NEGR1: variants seen among roughly 807,000 people sequenced by gnomAD.
NEGR1 encodes the protein neuronal growth regulator 1, also known as IgLON family member 4.
Under a neutral mutation model 40.9 loss-of-function variants are expected in NEGR1, and 10 were observed. The observed-to-expected ratio is 0.24, with a 90% CI of 0.15 to 0.42. The LOEUF (loss-of-function observed/expected upper bound fraction) is 0.42, where lower values mean the gene tolerates loss of function less well. Ranked by LOEUF, NEGR1 falls within the 10% of genes least tolerant of loss-of-function variation. The pLI, the probability that NEGR1 is intolerant of heterozygous loss-of-function variation, is 1.00. For synonymous variants in NEGR1, 185 were observed against 166.8 expected (o/e 1.11, Z -0.84); for missense variants, 352 against 438.9 (o/e 0.80, Z 1.77).
intron 4 of NEGR1, among the ~76,000 whole-genome samples, chr1:71,678,904 G>A (rs1002537021): frequency 1.3e-5 from 2 of 152,028 alleles, no homozygotes; most frequent in Non-Finnish European, 2.9e-5. Context: ...AAACAGAGGC[G>A]GCATCAAGAA....
At chr1:71,869,800 T>C (rs1660223580) in intron 2 of NEGR1, among the ~76,000 whole-genome samples, 1 of 152,148 alleles carries the variant, frequency 6.6e-6, no homozygotes, top group Non-Finnish European at 1.5e-5. Flanking sequence ...CTAACATTTT[T>C]ATGATGATCT....
At chr1:72,014,195 GTTTAT>G (rs1206234544) in intron 1 of NEGR1, among the ~76,000 whole-genome samples, 1 of 151,786 alleles carries the variant, frequency 6.6e-6, no homozygotes, top group Admixed American at 6.6e-5. Flanking sequence ...AGCTAGTGTT[GTTTAT>G]TGAGTGCTTA....
intron 6 of NEGR1, chr1:71,573,541 T>C (rs1648871408): frequency 1.3e-5 from 2 of 152,204 alleles, no homozygotes; most frequent in African/African-American, 4.8e-5. Context: ...TGATTTATCA[T>C]AATGAATTAA....
intron 2 of NEGR1, among the ~76,000 whole-genome samples, chr1:71,870,231 A>C (rs1660240427): frequency 6.6e-6 from 1 of 152,176 alleles, no homozygotes; most frequent in African/African-American, 2.4e-5. Context: ...AAGTATTAGG[A>C]CAGTCAAACC....
chr1:72,151,047 T>C (rs1651107020), intron 1 of NEGR1, among the ~76,000 whole-genome samples: 1 of 151,904 alleles, frequency 6.6e-6, no homozygotes, highest in Admixed American at 6.6e-5. Flanking sequence ...GCCAAAGCCA[T>C]CTAACTGACC....
intron 4 of NEGR1, among the ~76,000 whole-genome samples, chr1:71,650,909 C>T (rs907583823): frequency 2.0e-5 from 3 of 152,108 alleles, no homozygotes; most frequent in Non-Finnish European, 2.9e-5. Context: ...TAATACATTA[C>T]TTTGTGCTTT....
intron 1 of NEGR1, among the ~76,000 whole-genome samples, chr1:72,083,846 G>A (rs993096743): frequency 6.6e-6 from 1 of 151,988 alleles, no homozygotes; most frequent in African/African-American, 2.4e-5. Context: ...TCAACGTTCT[G>A]CCCCAGAGTG....
chr1:71,721,200 C>T (rs1306601352), intron 3 of NEGR1, among the ~76,000 whole-genome samples: 1 of 152,130 alleles, frequency 6.6e-6, no homozygotes, highest in Admixed American at 6.5e-5. Flanking sequence ...GGCATTTACA[C>T]CATTTTTTTC....
At chr1:71,566,730 A>G (rs1359425643) in intron 6 of NEGR1, among the ~76,000 whole-genome samples, 2 of 152,210 alleles carry the variant, frequency 1.3e-5, no homozygotes, top group African/African-American at 4.8e-5. Context: ...ATGAGCAAAA[A>G]ATAACAGTGT....
intron 3 of NEGR1, among the ~76,000 whole-genome samples, chr1:71,705,814 GAGAA>G (rs142070045): frequency 0.1 from 15,409 of 150,442 alleles, 1,123 homozygotes; most frequent in African/African-American, 0.2. Context: ...AGAGAGGAAG[GAGAA>G]AGAAAGAAAG....
Position 71,698,027 on chromosome 1 carries a change from T to G in NEGR1, c.648A>C (p.Lys216Asn). The G allele has an allele frequency of 1.9e-6, 3 of 1,611,436 alleles. No individual in the cohort carries two copies. Among genetic ancestry groups the G allele is most frequent in the Non-Finnish European group, 2.5e-6 (3 of 1,178,174 alleles). Residue 216 changes from lysine (K) to asparagine (N), a missense_variant, in exon 4 of 7, where the codon AAA (lysine) becomes AAC (asparagine). Around this residue, in one of 5 missense-constraint regions of NEGR1, gnomAD observed 184 missense variants for 208.7 expected, o/e 0.88. Transcript: ENST00000357731. ...ENDVSFPDVR[K>N]VKVVVNFAPT... ...ACTTACAGTTGACAACAACTTTTACTTTCCTCACATCTGGGAATGACACAT... is the reference window on the plus strand; with the variant it reads ...ACTTACAGTTGACAACAACTTTTACGTTCCTCACATCTGGGAATGACACAT...
At chr1:72,120,954 T>C (rs908951411) in intron 1 of NEGR1, among the ~76,000 whole-genome samples, 1 of 152,120 alleles carries the variant, frequency 6.6e-6, no homozygotes, top group Admixed American at 6.6e-5. Flanking sequence ...GTGCCAACAC[T>C]CAGTAAGACA....
intron 1 of NEGR1, among the ~76,000 whole-genome samples, chr1:72,110,956 T>G (rs1447469393): frequency 6.6e-6 from 1 of 151,678 alleles, no homozygotes; most frequent in East Asian, 1.9e-4. Flanking sequence ...AAAAAAAGAA[T>G]GTATGAAATA....
At chr1:71,443,021 C>T (rs1259320708) in intron 6 of NEGR1, among the ~76,000 whole-genome samples, 5 of 152,202 alleles carry the variant, frequency 3.3e-5, no homozygotes, top group Admixed American at 3.3e-4. Flanking sequence ...ATGGGCAGAA[C>T]TGATTATTCT....
intron 1 of NEGR1, among the ~76,000 whole-genome samples, chr1:72,128,768 G>A (rs116734687): frequency 1.2e-3 from 185 of 152,046 alleles, no homozygotes; most frequent in African/African-American, 3.7e-3. Flanking sequence ...AAATATTTTC[G>A]GTAAACATTA....
chr1:71,536,958 A>G (rs1421984235), intron 6 of NEGR1, among the ~76,000 whole-genome samples: 1 of 151,710 alleles, frequency 6.6e-6, no homozygotes, highest in African/African-American at 2.4e-5. Context: ...GTTGAAACTA[A>G]CTAGAGCCAA....
chr1:71,858,217 A>C (rs910548104), intron 2 of NEGR1, among the ~76,000 whole-genome samples: 1 of 152,064 alleles, frequency 6.6e-6, no homozygotes, highest in Non-Finnish European at 1.5e-5. Context: ...TCCTACACTT[A>C]TCCAAAGCTC....
At chr1:71,943,241 TACAC>T (rs201120267) in intron 1 of NEGR1, among the ~76,000 whole-genome samples, 7 of 149,440 alleles carry the variant, frequency 4.7e-5, no homozygotes, top group African/African-American at 9.9e-5. Flanking sequence ...TACTCACACA[TACAC>T]ACACATACAT....
At chr1:71,872,639 T>C (rs1660311816) in intron 2 of NEGR1, among the ~76,000 whole-genome samples, 1 of 152,166 alleles carries the variant, frequency 6.6e-6, no homozygotes, top group South Asian at 2.1e-4. Context: ...AAATAAAACT[T>C]GGTTATTTGA....
Sources: allele counts gnomAD v4.1 joint callset (sites outside exome capture counted in the v4.1 genomes callset), GRCh38; gene constraint gnomAD v4.1.1; regional missense constraint gnomAD v4.1.1; transcripts MANE v1.5; gene names NCBI Gene and HGNC (gene_info 2026-07-23, HGNC 2026-07-21).